METTL24: variants seen among roughly 807,000 people sequenced by gnomAD.
METTL24 encodes the protein probable methyltransferase-like protein 24.
A neutral mutation model predicts 32.7 loss-of-function variants in METTL24; 29 were observed. The observed-to-expected ratio is 0.89, with a 90% CI of 0.66 to 1.21. The LOEUF (loss-of-function observed/expected upper bound fraction) is 1.21, where lower values mean the gene tolerates loss of function less well. Among genes scored for constraint, METTL24 ranks in the 50% most tolerant of loss-of-function variants. The pLI is 0.00. For synonymous variants in METTL24, 163 were observed against 179.5 expected, an observed-to-expected ratio of 0.91 and a Z score of 0.73; for missense variants, 439 against 468.1, an observed-to-expected ratio of 0.94 and a Z score of 0.57.
At chr6:110,318,959 A>T (rs1307614473) in intron 2 of METTL24, among the ~76,000 whole-genome samples, 1 of 152,198 alleles carries the variant, frequency 6.6e-6, no homozygotes, top group Non-Finnish European at 1.5e-5. Context: ...TTGTAATTTT[A>T]GCCAAATAAA....
chr6:110,263,994 G>T (rs889762993), intron 4 of METTL24, among the ~76,000 whole-genome samples: 2 of 152,118 alleles, frequency 1.3e-5, no homozygotes, highest in Non-Finnish European at 2.9e-5. Flanking sequence ...AGACTTAAAG[G>T]TTAGACCTAA....
intron 2 of METTL24, among the ~76,000 whole-genome samples, chr6:110,316,973 T>G (rs1045426836): frequency 2.0e-5 from 3 of 152,200 alleles, no homozygotes; most frequent in Admixed American, 6.5e-5. Flanking sequence ...TTTTCCAAAA[T>G]TTTAATCTAA....
intron 2 of METTL24, among the ~76,000 whole-genome samples, chr6:110,322,002 C>G (rs1301403244): frequency 1.3e-5 from 2 of 152,286 alleles, no homozygotes; most frequent in African/African-American, 4.8e-5. Flanking sequence ...GCAGTCTGAG[C>G]TGCTAATTTG....
chr6:110,287,817 G>T (rs1048616188), intron 4 of METTL24, among the ~76,000 whole-genome samples: 1 of 152,150 alleles, frequency 6.6e-6, no homozygotes, highest in South Asian at 2.1e-4. Context: ...ACAATAAGGG[G>T]TCTCTGCCTG....
At chr6:110,262,646 C>A (rs1175994094) in intron 4 of METTL24, among the ~76,000 whole-genome samples, 1 of 152,170 alleles carries the variant, frequency 6.6e-6, no homozygotes, top group Admixed American at 6.5e-5. Flanking sequence ...GATACCAAAG[C>A]CTGGCAGAGA....
At position 110,276,714 on chromosome 6, in the gene METTL24, C is replaced by T. The variant is rs1582396340; in HGVS notation, c.786+22208G>A. On this transcript the variant is annotated intron_variant, in intron 4 of 4. Transcript: ENST00000338882. The stretch of plus-strand genomic sequence containing the variant: ...CCCCCCATTTCTGAAAGGTTGCCGA[C>T]ACCTGGCCCTTCTGCAGGGATTTCC... Among the ~76,000 whole-genome samples, 4 of 152,274 alleles carry T rather than the reference C, an allele frequency of 2.6e-5. 1 individual carries two copies. The South Asian group carries it at 8.3e-4, about 32-fold the overall frequency.
At chr6:110,339,138 A>C (rs1772298298) in intron 1 of METTL24, among the ~76,000 whole-genome samples, 1 of 152,174 alleles carries the variant, frequency 6.6e-6, no homozygotes, top group African/African-American at 2.4e-5. Flanking sequence ...GTGTACCTTA[A>C]AACATGGTGC....
At chr6:110,348,661 A>ATATACCC (rs2114778244) in intron 1 of METTL24, among the ~76,000 whole-genome samples, 1 of 152,392 alleles carries the variant, frequency 6.6e-6, no homozygotes, top group East Asian at 1.9e-4. Context: ...GATTCTGAAA[A>ATATACCC]CATGTTTGGA....
At chr6:110,352,991 C>T (rs1421167932) in intron 1 of METTL24, among the ~76,000 whole-genome samples, 1 of 152,196 alleles carries the variant, frequency 6.6e-6, no homozygotes, top group African/African-American at 2.4e-5. Flanking sequence ...GAAATCTCCA[C>T]CACCAGTGGT....
At chr6:110,354,075 A>C (rs2090179457) in intron 1 of METTL24, among the ~76,000 whole-genome samples, 1 of 152,218 alleles carries the variant, frequency 6.6e-6, no homozygotes, top group Non-Finnish European at 1.5e-5. Context: ...AAGAATCTGT[A>C]ATACACAAGA....
chr6:110,283,602 G>A (rs1270544719), intron 4 of METTL24, among the ~76,000 whole-genome samples: 1 of 152,128 alleles, frequency 6.6e-6, no homozygotes, highest in African/African-American at 2.4e-5. Flanking sequence ...TCAGAAATAT[G>A]GGAACCGATG....
intron 4 of METTL24, among the ~76,000 whole-genome samples, chr6:110,255,036 C>T (rs963395452): frequency 6.6e-6 from 1 of 152,070 alleles, no homozygotes; most frequent in Non-Finnish European, 1.5e-5. Flanking sequence ...TGTCAACTGG[C>T]AGAAATGTAA....
At chr6:110,248,341 A>C (rs17071340) in intron 4 of METTL24, among the ~76,000 whole-genome samples, 10,910 of 152,272 alleles carry the variant, frequency 0.072, 575 homozygotes, top group African/African-American at 0.16. Context: ...CAGAATTTAC[A>C]TATAACAGCT....
At chr6:110,319,180 A>T (rs1771883412) in intron 2 of METTL24, among the ~76,000 whole-genome samples, 2 of 152,208 alleles carry the variant, frequency 1.3e-5, no homozygotes, top group African/African-American at 4.8e-5. Flanking sequence ...CAGAACGATC[A>T]ACTCTATGCT....
chr6:110,302,499 A>G (rs1771538881), intron 3 of METTL24, among the ~76,000 whole-genome samples: 2 of 128,654 alleles, frequency 1.6e-5, no homozygotes, highest in Admixed American at 7.3e-5. Context: ...ATATGTGTAT[A>G]TATACACATA....
intron 1 of METTL24, among the ~76,000 whole-genome samples, chr6:110,345,682 A>C (rs1274631414): frequency 6.6e-6 from 1 of 152,224 alleles, no homozygotes; most frequent in African/African-American, 2.4e-5. Context: ...AGGAACAGAA[A>C]ACCAAATACC....
intron 4 of METTL24, among the ~76,000 whole-genome samples, chr6:110,259,311 G>A (rs1778445204): frequency 6.6e-6 from 1 of 152,344 alleles, no homozygotes; most frequent in East Asian, 1.9e-4. Context: ...GGCACACCAG[G>A]AGATTATATC....
rs1455763474 is a variant in METTL24, at chr6:110,318,655, A to C, written c.418-3174T>G. 8.4e-3 allele frequency among the ~76,000 whole-genome samples: 1,256 copies of C among 150,020 alleles called. 4 individuals carry two copies. Among genetic ancestry groups the C allele is most frequent in the African/African-American group, 0.029 (1,200 of 40,762 alleles). On this transcript the variant is annotated intron_variant, in intron 2 of 4. Transcript: ENST00000338882. ...CAACAGAGCAAGACTCTACCTCAAA[A>C]AAAAAAAAAAAAAAGAAAGAAAGAA...
chr6:110,290,401 C>T (rs1325401220), intron 4 of METTL24, among the ~76,000 whole-genome samples: 1 of 152,200 alleles, frequency 6.6e-6, no homozygotes, highest in Non-Finnish European at 1.5e-5. Context: ...ATACTTCTGT[C>T]TATTCTAGAA....
Sources: gnomAD v4.1 joint callset for allele counts (sites outside exome capture counted in the v4.1 genomes callset) on GRCh38, gnomAD v4.1.1 for gene constraint, MANE v1.5 for transcripts, NCBI Gene and HGNC (gene_info 2026-07-23, HGNC 2026-07-21) for gene names.